The following ADIPOR2 variants were observed in gnomAD, a reference collection of about 807,000 sequenced individuals.
ADIPOR2 encodes adiponectin receptor 2, also known as adiponectin receptor protein 2.
Under a neutral mutation model 40.9 loss-of-function variants are expected in ADIPOR2, and 18 were observed. The observed-to-expected ratio is 0.44, with a 90% CI of 0.30 to 0.65. The LOEUF (loss-of-function observed/expected upper bound fraction) is 0.65. ADIPOR2 is among the 30% of genes least tolerant of loss of function. The pLI, the probability that ADIPOR2 is intolerant of heterozygous loss-of-function variation, is 0.09. For missense variants in ADIPOR2, 283 were observed against 479.2 expected, an observed-to-expected ratio of 0.59 and a Z score of 3.82; for synonymous variants, 165 against 166.4, an observed-to-expected ratio of 0.99 and a Z score of 0.06.
intron 1 of ADIPOR2, among the ~76,000 whole-genome samples, chr12:1,747,049 C>A (rs2094756687): frequency 6.8e-6 from 1 of 147,092 alleles, no homozygotes; most frequent in Admixed American, 6.8e-5. Context: ...ACTAACTCCA[C>A]TGCCCCCCCC....
chr12:1,695,536 G>A (rs1037120948), intron 1 of ADIPOR2, among the ~76,000 whole-genome samples: 3 of 151,610 alleles, frequency 2.0e-5, no homozygotes, highest in Non-Finnish European at 4.4e-5. Flanking sequence ...GGTGGCGCGC[G>A]CCTGTAATCC....
intron 2 of ADIPOR2, among the ~76,000 whole-genome samples, chr12:1,763,539 G>T (rs1186832033): frequency 6.6e-6 from 1 of 152,156 alleles, no homozygotes; most frequent in Admixed American, 6.5e-5. Context: ...AAAAAGAAAA[G>T]ACTTCCTCTG....
intron 1 of ADIPOR2, among the ~76,000 whole-genome samples, chr12:1,723,997 T>G (rs2094702888): frequency 6.6e-6 from 1 of 151,916 alleles, no homozygotes; most frequent in African/African-American, 2.4e-5. Context: ...TTTTTTTTTT[T>G]GGGAGACAGA....
Position 1,772,321 on chromosome 12 carries a change from C to G in ADIPOR2, c.172-521C>G, listed in dbSNP as rs527641906. Among the ~76,000 whole-genome samples, 286 of 152,318 alleles carry G rather than the reference C, an allele frequency of 1.9e-3. 1 individual carries two copies. The highest frequency in any genetic ancestry group is 6.6e-3 in the African/African-American group (273 of 41,576). On this transcript the variant is annotated intron_variant, in intron 2 of 7. Transcript: ENST00000357103. ...TGTTAAATGGGAATGAGAATACTTA[C>G]TTAATAAGGTGGTTGTTAGGATTAA...
chr12:1,765,910 A>G (rs991232794), intron 2 of ADIPOR2, among the ~76,000 whole-genome samples: 1 of 152,178 alleles, frequency 6.6e-6, no homozygotes, highest in Non-Finnish European at 1.5e-5. Flanking sequence ...ACTTTCTTTC[A>G]GGTACTCAGA....
At chr12:1,776,788 C>T (rs906441950) in intron 3 of ADIPOR2, among the ~76,000 whole-genome samples, 5 of 152,210 alleles carry the variant, frequency 3.3e-5, no homozygotes, top group Non-Finnish European at 7.3e-5. Context: ...GGATTAGTCA[C>T]TAACTGTCTG....
chr12:1,697,075 A>T (rs1198241694), intron 1 of ADIPOR2: 1 of 152,254 alleles, frequency 6.6e-6, no homozygotes, highest in Non-Finnish European at 1.5e-5. Flanking sequence ...GCCCAAAGGC[A>T]TAGAAGTTAG....
At chr12:1,706,270 A>C (rs1315321325) in intron 1 of ADIPOR2, among the ~76,000 whole-genome samples, 1 of 152,214 alleles carries the variant, frequency 6.6e-6, no homozygotes, top group Non-Finnish European at 1.5e-5. Context: ...TTTAAAGCTA[A>C]ATGAGAATAT....
At chr12:1,721,039 C>A (rs117243283) in intron 1 of ADIPOR2, among the ~76,000 whole-genome samples, 2,286 of 152,114 alleles carry the variant, frequency 0.015, 23 homozygotes, top group Middle Eastern at 0.054. Context: ...GTTGTCCTGC[C>A]TTTCCAGACC....
chr12:1,778,756 C>G (rs933156902), intron 4 of ADIPOR2: 4 of 151,952 alleles, frequency 2.6e-5, no homozygotes. Flanking sequence ...AAAAGACAAC[C>G]CATAGAGAAG....
At chr12:1,726,696 G>A (rs374499268) in intron 1 of ADIPOR2, among the ~76,000 whole-genome samples, 14 of 151,558 alleles carry the variant, frequency 9.2e-5, no homozygotes, top group African/African-American at 2.7e-4. Context: ...TTTATCCACT[G>A]TTGTGCCAGT....
intron 2 of ADIPOR2, chr12:1,760,781 G>A (rs1592618892): frequency 6.6e-6 from 1 of 152,292 alleles, no homozygotes; most frequent in East Asian, 1.9e-4. Flanking sequence ...AATATTAAAT[G>A]GAAAATTCCA....
At chr12:1,729,662 TTCTAA>T (rs1212572067) in intron 1 of ADIPOR2, among the ~76,000 whole-genome samples, 11 of 121,116 alleles carry the variant, frequency 9.1e-5, no homozygotes, top group African/African-American at 1.5e-4. Flanking sequence ...TTTTGATAAC[TTCTAA>T]TTATTTTCTT....
intron 1 of ADIPOR2, chr12:1,697,822 G>A (rs2094642356): frequency 1.3e-5 from 2 of 152,338 alleles, no homozygotes; most frequent in African/African-American, 4.8e-5. Flanking sequence ...CTTGAGGAAA[G>A]TTACTTAGAT....
chr12:1,692,522 G>T (rs1352777117), intron 1 of ADIPOR2, among the ~76,000 whole-genome samples: 1 of 152,162 alleles, frequency 6.6e-6, no homozygotes, highest in Non-Finnish European at 1.5e-5. Context: ...TTTAACTTCT[G>T]ATTGTAACTG....
chr12:1,734,002 C>T (rs2094725548), intron 1 of ADIPOR2, among the ~76,000 whole-genome samples: 1 of 152,166 alleles, frequency 6.6e-6, no homozygotes, highest in South Asian at 2.1e-4. Context: ...TTAATTCAGT[C>T]TGTCATTGTT....
chr12:1,732,410 T>C (rs1378884459), intron 1 of ADIPOR2, among the ~76,000 whole-genome samples: 1 of 152,250 alleles, frequency 6.6e-6, no homozygotes, highest in African/African-American at 2.4e-5. Context: ...TCATATAATA[T>C]GTAATCTTTT....
intron 1 of ADIPOR2, among the ~76,000 whole-genome samples, chr12:1,752,708 G>A (rs1862024069): frequency 6.6e-6 from 1 of 152,128 alleles, no homozygotes; most frequent in Admixed American, 6.5e-5. Flanking sequence ...ATTTAAAGAT[G>A]CTGTGAAGTA....
intron 1 of ADIPOR2, among the ~76,000 whole-genome samples, chr12:1,700,585 C>T (rs1276113534): frequency 6.6e-6 from 1 of 152,092 alleles, no homozygotes; most frequent in Non-Finnish European, 1.5e-5. Context: ...CAAGTGACAG[C>T]ATAATTCAAT....
Sources: gnomAD v4.1 joint callset for allele counts (sites outside exome capture counted in the v4.1 genomes callset) on GRCh38, gnomAD v4.1.1 for gene constraint, MANE v1.5 for transcripts, NCBI Gene and HGNC (gene_info 2026-07-23, HGNC 2026-07-21) for gene names.